Variants in FHIT observed in about 807,000 individuals in gnomAD.
The protein encoded by FHIT is bis(5'-adenosyl)-triphosphatase.
FHIT carries 19 observed loss-of-function variants against 17.9 expected under a neutral mutation model. That is an observed-to-expected ratio of 1.06 (90% CI 0.74 to 1.56). The LOEUF is 1.56. FHIT is among the 40% of genes most tolerant of loss of function. FHIT has a pLI of 0.00. For missense variants in FHIT, 248 were observed against 189.2 expected (o/e 1.31, Z -1.82); for synonymous variants, 81 against 69.7 (o/e 1.16, Z -0.81).
At chr3:61,226,606 T>C (rs1488775401) in intron 1 of FHIT, among the ~76,000 whole-genome samples, 1 of 151,752 alleles carries the variant, frequency 6.6e-6, no homozygotes, top group Admixed American at 6.6e-5. Context: ...AAATACATGG[T>C]CACTTTAAAA....
chr3:61,209,643 G>A (rs532819826), intron 1 of FHIT, among the ~76,000 whole-genome samples: 1 of 152,162 alleles, frequency 6.6e-6, no homozygotes, highest in Non-Finnish European at 1.5e-5. Flanking sequence ...TGGTTCTCGT[G>A]CCTTGGTTTT....
chr3:60,701,469 T>C (rs889145344), intron 4 of FHIT, among the ~76,000 whole-genome samples: 1 of 151,952 alleles, frequency 6.6e-6, no homozygotes, highest in African/African-American at 2.4e-5. Context: ...ATGTGGTGGA[T>C]AGGGGGTCGG....
Position 60,878,893 on chromosome 3 carries a change from T to A in FHIT, c.-110-56882A>T, listed in dbSNP as rs1485131539. Among the ~76,000 whole-genome samples the A allele has an allele frequency of 5.3e-5, 8 of 152,232 alleles. No homozygotes were observed. The South Asian group carries it at 1.2e-3, about 24-fold the overall frequency. Reference sequence around the variant, plus strand: ...TTTTCTTAATCCAGTCTATCATTGTTGGATATATGGGTTGGTTCCAAGTCT... The same window carrying A: ...TTTTCTTAATCCAGTCTATCATTGTAGGATATATGGGTTGGTTCCAAGTCT... On this transcript the variant is annotated intron_variant, in intron 3 of 9. Coordinates refer to ENST00000492590, the MANE Select transcript of FHIT (RefSeq NM_002012.4).
At chr3:61,239,789 A>ACG (rs1439456201) in intron 1 of FHIT, among the ~76,000 whole-genome samples, 3 of 119,316 alleles carry the variant, frequency 2.5e-5, no homozygotes, top group African/African-American at 1.2e-4. Context: ...ATATATACAC[A>ACG]AATTCTAAAC....
intron 3 of FHIT, among the ~76,000 whole-genome samples, chr3:60,951,168 G>GA (rs1435996017): frequency 2.0e-5 from 3 of 151,918 alleles, no homozygotes; most frequent in Non-Finnish European, 4.4e-5. Context: ...TTTATCATAA[G>GA]AAAAAAATAC....
chr3:60,807,539 G>C (rs1353169286), intron 4 of FHIT, among the ~76,000 whole-genome samples: 1 of 152,182 alleles, frequency 6.6e-6, no homozygotes, highest in African/African-American at 2.4e-5. Flanking sequence ...AGTGAGCCAT[G>C]ATTGTGCCAC....
chr3:61,179,144 G>C (rs1056679138), intron 2 of FHIT, among the ~76,000 whole-genome samples: 1 of 151,354 alleles, frequency 6.6e-6, no homozygotes, highest in African/African-American at 2.4e-5. Context: ...CAAGTAGCTG[G>C]GACTACACAC....
At chr3:61,057,131 G>C (rs2034252746) in intron 2 of FHIT, among the ~76,000 whole-genome samples, 1 of 152,202 alleles carries the variant, frequency 6.6e-6, no homozygotes, top group Admixed American at 6.5e-5. Flanking sequence ...GATGTTTCCA[G>C]AGATGATTCT....
intron 2 of FHIT, among the ~76,000 whole-genome samples, chr3:61,055,556 A>G (rs980487698): frequency 6.6e-6 from 1 of 152,182 alleles, no homozygotes; most frequent in African/African-American, 2.4e-5. Flanking sequence ...TGTGGAAGAG[A>G]AGTGAATGAT....
intron 4 of FHIT, among the ~76,000 whole-genome samples, chr3:60,628,410 A>C (rs2039349609): frequency 6.6e-6 from 1 of 152,038 alleles, no homozygotes; most frequent in African/African-American, 2.4e-5. Context: ...ATGAATATTG[A>C]AGGTTTTATC....
At chr3:60,794,932 C>T (rs957643415) in intron 4 of FHIT, among the ~76,000 whole-genome samples, 7 of 152,192 alleles carry the variant, frequency 4.6e-5, no homozygotes, top group Non-Finnish European at 1.0e-4. Context: ...TACAAAAGGG[C>T]ATGAGTAAAA....
At position 60,300,279 on chromosome 3, in the gene FHIT, C is replaced by G. The variant is rs191273359; in HGVS notation, c.103+236581G>C. 8.6e-4 allele frequency among the ~76,000 whole-genome samples: 131 copies of G among 152,166 alleles called. 1 individual carries two copies. Among genetic ancestry groups the G allele is most frequent in the Non-Finnish European group, 1.5e-3 (99 of 68,000 alleles). ...CTTTTTCAAAAAAACTAAAATCTTT[C>G]TCTTGACTGTTATCACAACAGATCC... On this transcript the variant is annotated intron_variant, in intron 5 of 9. Coordinates refer to ENST00000492590, the MANE Select transcript of FHIT (RefSeq NM_002012.4).
chr3:60,515,185 C>T (rs1480786752), intron 5 of FHIT, among the ~76,000 whole-genome samples: 1 of 152,078 alleles, frequency 6.6e-6, no homozygotes, highest in Non-Finnish European at 1.5e-5. Flanking sequence ...ATATTCCATC[C>T]TAGTGTGAGC....
chr3:60,985,249 T>C (rs1209487271), intron 3 of FHIT, among the ~76,000 whole-genome samples: 3 of 152,208 alleles, frequency 2.0e-5, no homozygotes, highest in Non-Finnish European at 4.4e-5. Flanking sequence ...GAATACGTTC[T>C]GTGTTTTTTT....
chr3:60,059,591 ACTTGT>A (rs1702219803), intron 5 of FHIT, among the ~76,000 whole-genome samples: 1 of 152,062 alleles, frequency 6.6e-6, no homozygotes, highest in East Asian at 1.9e-4. Flanking sequence ...CTGCTCTAAA[ACTTGT>A]CTCAGTCTCT....
At chr3:60,994,928 G>C (rs1206669284) in intron 3 of FHIT, among the ~76,000 whole-genome samples, 1 of 152,148 alleles carries the variant, frequency 6.6e-6, no homozygotes, top group East Asian at 1.9e-4. Flanking sequence ...AATTTTCTAA[G>C]AGAATCTAGA....
At chr3:61,106,016 G>C (rs929419110) in intron 2 of FHIT, among the ~76,000 whole-genome samples, 18 of 152,112 alleles carry the variant, frequency 1.2e-4, no homozygotes, top group African/African-American at 4.3e-4. Flanking sequence ...GTATAGAGAG[G>C]TCTTAATGTT....
At chr3:60,229,800 CA>C (rs1704404200) in intron 5 of FHIT, among the ~76,000 whole-genome samples, 1 of 152,144 alleles carries the variant, frequency 6.6e-6, no homozygotes, top group Admixed American at 6.5e-5. Context: ...GGAAATAAAG[CA>C]AGTCCATATC....
intron 5 of FHIT, among the ~76,000 whole-genome samples, chr3:60,439,232 A>G (rs2030570804): frequency 6.6e-6 from 1 of 152,138 alleles, no homozygotes; most frequent in East Asian, 1.9e-4. Flanking sequence ...CCAACCAGTC[A>G]ATTCATATTT....
Sources: allele counts gnomAD v4.1 joint callset (sites outside exome capture counted in the v4.1 genomes callset), GRCh38; gene constraint gnomAD v4.1.1; transcripts MANE v1.5; gene names NCBI Gene and HGNC (gene_info 2026-07-23, HGNC 2026-07-21).